Variants in R3HDM2 observed in about 807,000 individuals in gnomAD.
The protein encoded by R3HDM2 is R3H domain containing 2, also known as R3H domain-containing protein 2.
In R3HDM2, 38 loss-of-function variants were observed where a neutral mutation model predicts 124.5. The observed-to-expected ratio is 0.31, with a 90% CI of 0.24 to 0.40. The LOEUF (loss-of-function observed/expected upper bound fraction) is 0.40. Among genes scored for constraint, R3HDM2 ranks in the 10% least tolerant of loss-of-function variants. R3HDM2 has a pLI of 1.00. For missense variants in R3HDM2, 869 were observed against 1,236.9 expected (o/e 0.70, Z 4.46); for synonymous variants, 391 against 448.0 (o/e 0.87, Z 1.61).
chr12:57,270,888 A>G (rs1365004500), intron 14 of R3HDM2, among the ~76,000 whole-genome samples: 1 of 152,168 alleles, frequency 6.6e-6, no homozygotes, highest in Non-Finnish European at 1.5e-5. Flanking sequence ...TGTTAGGGTT[A>G]GTCCTTGGGA....
intron 2 of R3HDM2, among the ~76,000 whole-genome samples, chr12:57,361,118 G>A (rs1025991512): frequency 4.0e-5 from 6 of 149,378 alleles, no homozygotes; most frequent in Non-Finnish European, 8.9e-5. Flanking sequence ...GCTCACACCT[G>A]TAATCCCAGA....
rs370865078 is a variant in R3HDM2, at chr12:57,385,303, C to T, written c.-36+10446G>A. ...TGTCGCCCAGGCTGGAGTGCAATGG[C>T]GCAATCTGGCTCACTGCAAGCTCTA... is the stretch of plus-strand genomic sequence containing the variant. On this transcript the variant is annotated intron_variant, in intron 2 of 23. Coordinates refer to ENST00000402412, the MANE Select transcript of R3HDM2 (RefSeq NM_001394031.1). 9.1e-4 allele frequency among the ~76,000 whole-genome samples: 134 copies of T among 146,754 alleles called. 2 individuals carry two copies. Among genetic ancestry groups the T allele is most frequent in the African/African-American group, 3.2e-3 (128 of 39,392 alleles).
At chr12:57,283,479 C>A (rs570130048) in intron 13 of R3HDM2, among the ~76,000 whole-genome samples, 1 of 152,298 alleles carries the variant, frequency 6.6e-6, no homozygotes, top group South Asian at 2.1e-4. Context: ...TGACTCACGC[C>A]TGTAATCCCA....
At chr12:57,269,112 A>G in intron 16 of R3HDM2, 30 bp from the exon 17 acceptor site, 1 of 1,611,882 alleles carries the variant, frequency 6.2e-7, no homozygotes, top group Non-Finnish European at 8.5e-7. Flanking sequence ...AAAATACATT[A>G]GTATGAATGT....
At chr12:57,304,404 C>G in intron 3 of R3HDM2, 2 of 671,396 alleles carry the variant, frequency 3.0e-6, no homozygotes, top group Non-Finnish European at 3.7e-6. Flanking sequence ...TGGAATGGAA[C>G]TCCAATGGGG....
chr12:57,257,847 G>A lies in R3HDM2; in HGVS notation c.2449+143C>T, dbSNP rs1006612149. 10 of 883,442 alleles carry A rather than the reference G, an allele frequency of 1.1e-5. No homozygotes were observed. The Admixed American group carries it at 3.3e-4, about 29-fold the overall frequency. The allele number at this position is 883,442 out of a possible 1,614,324, so 54.7% of individuals were successfully genotyped here. On this transcript the variant is annotated intron_variant, in intron 21 of 23. Transcript: ENST00000402412. ...GGGGCAAGTGTCCAAGGCCTATACA[G>A]GGATGTTAAAGGAAGAGTTAACTCC...
intron 1 of R3HDM2, among the ~76,000 whole-genome samples, chr12:57,409,354 T>C (rs2053513820): frequency 6.6e-6 from 1 of 152,062 alleles, no homozygotes; most frequent in Admixed American, 6.6e-5. Flanking sequence ...GGCAAGCTAA[T>C]ACGCACCAGC....
intron 2 of R3HDM2, among the ~76,000 whole-genome samples, chr12:57,377,307 A>G (rs1012969486): frequency 1.3e-5 from 2 of 152,004 alleles, no homozygotes; most frequent in Admixed American, 6.6e-5. Flanking sequence ...TGCTTGTAAG[A>G]TAACAAAACT....
rs554048808 is a variant in R3HDM2 at position 57,374,485 on chromosome 12, C to A, written c.-36+21264G>T. On this transcript the variant is annotated intron_variant, in intron 2 of 23. Coordinates refer to ENST00000402412, the MANE Select transcript of R3HDM2 (RefSeq NM_001394031.1). ...CAGCCTGAGGTCAGGAGTTCGAGACCAGCCTGGCCAACATGGTAAAACCCT... is the reference window on the plus strand; with the variant it reads ...CAGCCTGAGGTCAGGAGTTCGAGACAAGCCTGGCCAACATGGTAAAACCCT... 3.3e-5 allele frequency among the ~76,000 whole-genome samples: 5 copies of A among 151,154 alleles called. No individual in the cohort carries two copies. The East Asian group carries it at 9.8e-4, about 30-fold the overall frequency.
intron 19 of R3HDM2, among the ~76,000 whole-genome samples, chr12:57,265,516 CAAAAAAAA>C (rs2042106673): frequency 8.1e-6 from 1 of 123,906 alleles, no homozygotes; most frequent in African/African-American, 3.2e-5. Flanking sequence ...ATTCAGAAAA[CAAAAAAAA>C]GAAAAAAAGA....
intron 2 of R3HDM2, among the ~76,000 whole-genome samples, chr12:57,347,593 C>T (rs2137130997): frequency 6.6e-6 from 1 of 152,086 alleles, no homozygotes; most frequent in East Asian, 1.9e-4. Context: ...CTAAAAATGC[C>T]AGTTAAAAGA....
intron 1 of R3HDM2, among the ~76,000 whole-genome samples, chr12:57,428,577 C>G (rs903027449): frequency 1.3e-5 from 2 of 151,850 alleles, no homozygotes; most frequent in African/African-American, 4.8e-5. Context: ...ATGGCATTTA[C>G]CCAGGAGACA....
intron 14 of R3HDM2, among the ~76,000 whole-genome samples, chr12:57,271,169 T>C (rs557216195): frequency 5.9e-5 from 9 of 152,246 alleles, no homozygotes; most frequent in Middle Eastern, 3.4e-3. Flanking sequence ...ATCTCCTTAC[T>C]CCCTCTGGAG....
intron 14 of R3HDM2, among the ~76,000 whole-genome samples, chr12:57,272,206 C>A (rs2043737676): frequency 1.3e-5 from 2 of 152,176 alleles, no homozygotes; most frequent in Non-Finnish European, 2.9e-5. Flanking sequence ...CAATTTCATT[C>A]TCTGTCCTGA....
At chr12:57,416,224 T>A (rs1003446166) in intron 1 of R3HDM2, among the ~76,000 whole-genome samples, 2 of 151,984 alleles carry the variant, frequency 1.3e-5, no homozygotes. Context: ...GTACTATGTA[T>A]GTAGGGAGGG....
chr12:57,406,688 T>C lies in R3HDM2; in HGVS notation c.-105-10870A>G, dbSNP rs542920310. On this transcript the variant is annotated intron_variant, in intron 1 of 23. Transcript: ENST00000402412. ...TGATTATCAACAGCTGCTGACATCA[T>C]AAAAGGGAGATTAATAGACATCACA... Among the ~76,000 whole-genome samples the C allele has an allele frequency of 1.2e-4, 19 of 152,278 alleles. No individual in the cohort carries two copies. In the East Asian group the frequency reaches 3.5e-3, roughly 28 times the overall value.
chr12:57,395,638 C>A (rs2067398555), intron 2 of R3HDM2, 111 bp downstream of exon 2: 1 of 338,550 alleles, frequency 3.0e-6, no homozygotes, highest in South Asian at 1.2e-4. Flanking sequence ...TAAATGGGTA[C>A]AATAACACTT....
intron 2 of R3HDM2, among the ~76,000 whole-genome samples, chr12:57,352,459 CAAGG>C (rs963594079): frequency 4.1e-5 from 6 of 145,440 alleles, no homozygotes; most frequent in Non-Finnish European, 9.0e-5. Context: ...ATAAGATGAA[CAAGG>C]AAGGAAAATC....
At chr12:57,355,287 C>A (rs1212667059) in intron 2 of R3HDM2, among the ~76,000 whole-genome samples, 1 of 151,006 alleles carries the variant, frequency 6.6e-6, no homozygotes, top group Non-Finnish European at 1.5e-5. Flanking sequence ...GAAACCCCGT[C>A]TCTACTAAAA....
Sources: allele counts gnomAD v4.1 joint callset (sites outside exome capture counted in the v4.1 genomes callset), GRCh38; gene constraint gnomAD v4.1.1; transcripts MANE v1.5; gene names NCBI Gene and HGNC (gene_info 2026-07-23, HGNC 2026-07-21).